Variants in AFAP1 observed in about 807,000 individuals in gnomAD.
AFAP1 encodes the protein actin filament-associated protein 1.
AFAP1 carries 75 observed loss-of-function variants against 93.9 expected under a neutral mutation model. That is an observed-to-expected ratio of 0.80 (90% CI 0.66 to 0.97). The LOEUF (loss-of-function observed/expected upper bound fraction) is 0.97. Among genes scored for constraint, AFAP1 ranks in the 50% least tolerant of loss-of-function variants. AFAP1 has a pLI of 0.00. For synonymous variants in AFAP1, 517 were observed against 430.7 expected, an observed-to-expected ratio of 1.20 and a Z score of -2.48; for missense variants, 1,201 against 1,050.8, an observed-to-expected ratio of 1.14 and a Z score of -1.98.
At chr4:7,822,822 G>A (rs1185210165) in intron 6 of AFAP1, among the ~76,000 whole-genome samples, 7 of 150,186 alleles carry the variant, frequency 4.7e-5, no homozygotes, top group South Asian at 2.1e-4. Context: ...CTTGAACTCC[G>A]GACCTTGTGA....
chr4:7,843,027 C>T (rs28628836), intron 5 of AFAP1, 112 bp downstream of exon 5: 1 of 1,241,274 alleles, frequency 8.1e-7, no homozygotes, highest in Non-Finnish European at 1.1e-6. Context: ...CTGGCTGACA[C>T]CTGAGTGCTG....
intron 1 of AFAP1, among the ~76,000 whole-genome samples, chr4:7,898,319 A>G (rs1718905883): frequency 6.6e-6 from 1 of 152,058 alleles, no homozygotes; most frequent in African/African-American, 2.4e-5. Flanking sequence ...GAGGCAGGAG[A>G]ATCGCTTGAA....
chr4:7,777,420 C>G (rs1474081041), intron 14 of AFAP1: 1 of 152,260 alleles, frequency 6.6e-6, no homozygotes, highest in Non-Finnish European at 1.5e-5. Context: ...CAGCCTGGCC[C>G]TGCGGAGCGA....
intron 8 of AFAP1, among the ~76,000 whole-genome samples, chr4:7,815,347 T>C (rs1720384197): frequency 6.6e-6 from 1 of 152,258 alleles, no homozygotes; most frequent in Non-Finnish European, 1.5e-5. Context: ...GACAGTACAA[T>C]ATAAATGTAC....
In AFAP1 at chr4:7,765,862, G is replaced by C. The variant is rs80196477; in HGVS notation, c.2419-2071C>G. Among the ~76,000 whole-genome samples the C allele has an allele frequency of 6.6e-3, 998 of 152,320 alleles. 14 individuals are homozygous for C. The highest frequency in any genetic ancestry group is 0.023 in the African/African-American group (948 of 41,566). On this transcript the variant is annotated intron_variant, in intron 17 of 17. Transcript: ENST00000420658. ...AAGGACTTCAAAGAGCAATTGGGAA[G>C]ATCAAAGGAGACAGGGTCTGTGAAA...
At chr4:7,764,002 C>T (rs1040512177) in intron 17 of AFAP1, among the ~76,000 whole-genome samples, 4 of 152,182 alleles carry the variant, frequency 2.6e-5, no homozygotes, top group East Asian at 1.9e-4. Flanking sequence ...CCACACACCC[C>T]GTTCACAGCA....
At chr4:7,845,521 G>C (rs1247609452) in intron 4 of AFAP1, among the ~76,000 whole-genome samples, 1 of 152,114 alleles carries the variant, frequency 6.6e-6, no homozygotes, top group Non-Finnish European at 1.5e-5. Flanking sequence ...CTGAAGAAGG[G>C]ACGAGGTAAG....
chr4:7,774,677 A>G, intron 15 of AFAP1, 62 bp downstream of exon 15: 2 of 1,570,478 alleles, frequency 1.3e-6, no homozygotes, highest in South Asian at 1.2e-5. Flanking sequence ...GGCAAAGCAG[A>G]ATGAAATCTC....
chr4:7,880,278 CTT>C (rs35346388), intron 1 of AFAP1, among the ~76,000 whole-genome samples: 87 of 120,544 alleles, frequency 7.2e-4, no homozygotes, highest in African/African-American at 2.2e-3. Flanking sequence ...ACCCAAATGC[CTT>C]TTTTTTTTTT....
At chr4:7,915,172 C>G (rs540024727) in intron 1 of AFAP1, among the ~76,000 whole-genome samples, 1 of 152,360 alleles carries the variant, frequency 6.6e-6, no homozygotes, top group Non-Finnish European at 1.5e-5. Flanking sequence ...TGTGCGCCCC[C>G]GCGCCCAGCC....
At position 7,938,097 on chromosome 4, in the gene AFAP1, G is replaced by C. The variant is rs544505487; in HGVS notation, c.-3+1559C>G. 2.0e-5 allele frequency among the ~76,000 whole-genome samples: 3 copies of C among 152,268 alleles called. No individual in the cohort carries two copies. In the South Asian group the frequency reaches 6.2e-4, roughly 32 times the overall value. The stretch of plus-strand genomic sequence containing the variant: ...TCAGGAGAACAAGCAAAGCTTCAGA[G>C]AGAAGGGAGCCACCTCAACAGAGTC... On this transcript the variant is annotated intron_variant, in intron 1 of 17. Transcript: ENST00000420658.
At chr4:7,789,097 C>T (rs1717585471) in intron 11 of AFAP1, 1 of 152,594 alleles carries the variant, frequency 6.6e-6, no homozygotes, top group African/African-American at 2.4e-5. Context: ...CAGCTAGTCA[C>T]CCTTCACCCT....
intron 1 of AFAP1, among the ~76,000 whole-genome samples, chr4:7,889,486 G>A (rs565377312): frequency 5.4e-5 from 8 of 147,630 alleles, no homozygotes; most frequent in South Asian, 2.2e-4. Context: ...CCAGGAGGTG[G>A]AGGTTGCAGT....
intron 1 of AFAP1, among the ~76,000 whole-genome samples, chr4:7,880,565 A>C (rs1717780531): frequency 6.6e-6 from 1 of 152,206 alleles, no homozygotes; most frequent in Non-Finnish European, 1.5e-5. Context: ...GGCGTGAGCC[A>C]CCGCACCCGG....
chr4:7,923,417 G>A (rs759856933), intron 1 of AFAP1, among the ~76,000 whole-genome samples: 3 of 152,154 alleles, frequency 2.0e-5, no homozygotes, highest in Admixed American at 6.5e-5. Context: ...ACCTCTTCCT[G>A]GCTTGCAGAC....
chr4:7,830,181 T>C (rs897697670), intron 6 of AFAP1, among the ~76,000 whole-genome samples: 15 of 152,308 alleles, frequency 9.8e-5, no homozygotes, highest in African/African-American at 3.1e-4. Context: ...GAAATCTGCA[T>C]TGCTATTTGC....
intron 3 of AFAP1, among the ~76,000 whole-genome samples, chr4:7,860,929 G>A (rs528341471): frequency 2.0e-5 from 3 of 152,126 alleles, no homozygotes; most frequent in Non-Finnish European, 2.9e-5. Context: ...CGCCTGCCTC[G>A]CTCGCCTCGC....
chr4:7,827,798 C>T (rs1560184037), intron 6 of AFAP1, among the ~76,000 whole-genome samples: 1 of 152,024 alleles, frequency 6.6e-6, no homozygotes, highest in Non-Finnish European at 1.5e-5. Context: ...CGGGAAAGGA[C>T]ACTCCACACC....
At chr4:7,886,849 A>G (rs1422900954) in intron 1 of AFAP1, among the ~76,000 whole-genome samples, 1 of 152,224 alleles carries the variant, frequency 6.6e-6, no homozygotes, top group Non-Finnish European at 1.5e-5. Flanking sequence ...TTTAAATATG[A>G]TATCGAAAGC....
Sources: gnomAD v4.1 joint callset for allele counts (sites outside exome capture counted in the v4.1 genomes callset) on GRCh38, gnomAD v4.1.1 for gene constraint, MANE v1.5 for transcripts, NCBI Gene and HGNC (gene_info 2026-07-23, HGNC 2026-07-21) for gene names.